The following SLC36A4 variants were observed in gnomAD, a reference collection of about 807,000 sequenced individuals.
SLC36A4 encodes the protein neutral amino acid uniporter 4.
In SLC36A4, 49 loss-of-function variants were observed where a neutral mutation model predicts 50.5. The observed-to-expected ratio is 0.97, with a 90% CI of 0.77 to 1.23. SLC36A4 has a LOEUF of 1.23. SLC36A4 is among the 50% of genes most tolerant of loss of function. SLC36A4 has a pLI of 0.00. For synonymous variants in SLC36A4, 207 were observed against 206.5 expected (o/e 1.00, Z -0.02); for missense variants, 611 against 608.4 (o/e 1.00, Z -0.05).
chr11:93,181,835 TG>T, intron 4 of SLC36A4, 49 bp from the exon 5 acceptor site: 1 of 1,452,880 alleles, frequency 6.9e-7, no homozygotes, highest in Non-Finnish European at 9.2e-7. Flanking sequence ...AATTTTAAGG[TG>T]GTCCATAAAA....
intron 10 of SLC36A4, among the ~76,000 whole-genome samples, chr11:93,151,884 T>C (rs1860103972): frequency 6.6e-6 from 1 of 152,012 alleles, no homozygotes; most frequent in Non-Finnish European, 1.5e-5. Flanking sequence ...ACAGGTTTAC[T>C]CTTAAAAGGT....
intron 6 of SLC36A4, among the ~76,000 whole-genome samples, chr11:93,177,282 A>G (rs1263172448): frequency 6.6e-6 from 1 of 152,070 alleles, no homozygotes; most frequent in Non-Finnish European, 1.5e-5. Context: ...TTCCCATGCC[A>G]TGGTTTTCAG....
chr11:93,162,609 A>G, intron 9 of SLC36A4, 97 bp downstream of exon 9: 8 of 1,073,994 alleles, frequency 7.4e-6, no homozygotes, highest in Non-Finnish European at 1.0e-5. Flanking sequence ...AAAATTTTAA[A>G]TGTTTAAACC....
Position 93,197,887 on chromosome 11 carries a change from G to A in SLC36A4, c.-55C>T, listed in dbSNP as rs1203032521. ...CGAGTGCTCACTCTCCCGCCGCTGC[G>A]TGGCCGGCGTCAGGCCCAGGCCTAC... On this transcript the variant is annotated 5_prime_UTR_variant, in exon 1 of 11. It adds an upstream start codon to the 5' untranslated region. Coordinates refer to ENST00000326402, the MANE Select transcript of SLC36A4 (RefSeq NM_152313.4). 28 of 1,492,876 alleles carry A rather than the reference G, an allele frequency of 1.9e-5. No individual in the cohort carries two copies. Among genetic ancestry groups the A allele is most frequent in the Admixed American group, 4.1e-5 (2 of 48,984 alleles). 92.5% of individuals were successfully genotyped at this position (1,492,876 alleles called of 1,614,324 possible).
intron 2 of SLC36A4, chr11:93,185,487 C>A: frequency 7.8e-6 from 3 of 384,888 alleles, no homozygotes; most frequent in Non-Finnish European, 9.2e-6. Flanking sequence ...GCATTTGTTA[C>A]GCATCATCAC....
intron 1 of SLC36A4, among the ~76,000 whole-genome samples, chr11:93,186,371 C>T (rs1012614493): frequency 2.6e-5 from 4 of 152,148 alleles, no homozygotes; most frequent in African/African-American, 9.7e-5. Flanking sequence ...AATCTACATT[C>T]CATATTCCAC....
At chr11:93,192,042 T>C (rs1479636988) in intron 1 of SLC36A4, among the ~76,000 whole-genome samples, 1 of 150,950 alleles carries the variant, frequency 6.6e-6, no homozygotes, top group Non-Finnish European at 1.5e-5. Context: ...TTACTAAAAC[T>C]CAAAAAAAAA....
At chr11:93,188,049 G>A (rs531212780) in intron 1 of SLC36A4, among the ~76,000 whole-genome samples, 7 of 152,110 alleles carry the variant, frequency 4.6e-5, no homozygotes, top group East Asian at 1.9e-4. Context: ...CCTGCTCCCC[G>A]CTCTTCTTTT....
chr11:93,154,167 T>A lies in SLC36A4; in HGVS notation c.1148A>T (p.His383Leu), dbSNP rs377056465. 4 of 1,567,846 alleles carry A rather than the reference T, an allele frequency of 2.6e-6. No individual in the cohort carries two copies. Among genetic ancestry groups the A allele is most frequent in the Non-Finnish European group, 3.4e-6 (4 of 1,160,402 alleles). ...TTCACAGATTTGCTTCCATTTAGTA[T>A]GAAATTTGGATGTGATCCCAGGGAT... The part of the protein sequence containing the change: ...IIIPGITSKF[H>L]TKWKQICEFG... The change falls in exon 10 of 11, where the codon CAT (histidine) becomes CTT (leucine). Residue 383 changes from histidine to leucine, a missense_variant. Physicochemically the swap from His to Leu is moderately conservative, Grantham distance 99. Transcript: ENST00000326402.
At chr11:93,168,373 G>A (rs1437266977) in intron 6 of SLC36A4, among the ~76,000 whole-genome samples, 2 of 151,922 alleles carry the variant, frequency 1.3e-5, no homozygotes, top group East Asian at 1.9e-4. Context: ...GATAACTGAC[G>A]TAAGATAATC....
chr11:93,196,529 G>C (rs1862434472), intron 1 of SLC36A4, among the ~76,000 whole-genome samples: 1 of 152,160 alleles, frequency 6.6e-6, no homozygotes, highest in African/African-American at 2.4e-5. Flanking sequence ...ACCACGCCCG[G>C]CTAATTTTTT....
rs1162702667 is a variant in SLC36A4 at position 93,181,711 on chromosome 11, C to T, written c.435G>A (p.Gln145=). 6.5e-7 allele frequency: 1 copy of T among 1,538,410 alleles called. No homozygotes were observed. Among genetic ancestry groups the T allele is most frequent in the Non-Finnish European group, 8.8e-7 (1 of 1,137,200 alleles). ...AMEVSPWSCL[Q]KQAAWGRSVV... ...CTTACCGCCCCCATGCTGCTTGCTT[C>T]TGAAGACAACTCCAAGGACTCACTT... The change falls in exon 5 of 11, where the codon CAG becomes CAA. Residue 145 remains glutamine (Q), a synonymous_variant. Coordinates refer to ENST00000326402, the MANE Select transcript of SLC36A4 (RefSeq NM_152313.4).
intron 1 of SLC36A4, among the ~76,000 whole-genome samples, chr11:93,186,135 A>T (rs1430881111): frequency 6.6e-6 from 1 of 152,226 alleles, no homozygotes; most frequent in Non-Finnish European, 1.5e-5. Flanking sequence ...AGAAATGATC[A>T]AATATATTTT....
At chr11:93,180,068 T>G in intron 6 of SLC36A4, 1 of 942,490 alleles carries the variant, frequency 1.1e-6, no homozygotes, top group Non-Finnish European at 1.3e-6. Flanking sequence ...CAATCCTATA[T>G]ATTACTATGT....
Position 93,162,770 on chromosome 11 carries a change from C to T in SLC36A4, c.973G>A (p.Gly325Arg). Residue 325 changes from glycine (G) to arginine (R), a missense_variant, in exon 9 of 11, where the codon GGA (glycine) becomes AGA (arginine). Physicochemically the swap from Gly to Arg is moderately radical, Grantham distance 125. Transcript: ENST00000326402. ...ATTTCATCATGGAAACACATATATC[C>T]TAAAGTAGCTAATGTTACATACAAA... is the stretch of plus-strand genomic sequence containing the variant. ...TTLYVTLATL[G>R]YMCFHDEIKG... 6.2e-7 allele frequency: 1 copy of T among 1,613,518 alleles called. No individual in the cohort carries two copies. Among genetic ancestry groups the T allele is most frequent in the South Asian group, 1.1e-5 (1 of 91,060 alleles).
At chr11:93,178,167 C>T (rs976628128) in intron 6 of SLC36A4, among the ~76,000 whole-genome samples, 20 of 152,102 alleles carry the variant, frequency 1.3e-4, no homozygotes, top group African/African-American at 4.8e-4. Context: ...TAGCAGTGAG[C>T]GAGGCTTTGT....
Position 93,165,965 on chromosome 11 carries a change from G to T in SLC36A4, c.820C>A (p.Pro274Thr). 3 of 1,611,018 alleles carry T rather than the reference G, an allele frequency of 1.9e-6. No homozygotes were observed. Residue 274 changes from proline (P) to threonine (T), a missense_variant, in exon 8 of 11, where the codon CCA (proline) becomes ACA (threonine). Physicochemically the swap from Pro to Thr is conservative, Grantham distance 38. Transcript: ENST00000326402. ...LPIVAGWKKY[P>T]LFFGTAVFAF... is the part of the protein sequence containing the mutation. Reference sequence around the variant, plus strand: ...AATACAGCAGTACCAAAAAAGAGTGGGTATTTCTTCCAACCAGCCACTATT... The same window carrying T: ...AATACAGCAGTACCAAAAAAGAGTGTGTATTTCTTCCAACCAGCCACTATT...
In SLC36A4 at chr11:93,163,330, T is replaced by C. The variant is rs557965013; in HGVS notation, c.868-455A>G. On this transcript the variant is annotated intron_variant, in intron 8 of 10. Transcript: ENST00000326402. The stretch of plus-strand genomic sequence containing the variant: ...AGTTTTTCCATTAATATCCTTTTTC[T>C]GTCCCAGAGCTCCATCCAGGATACC... 7.2e-5 allele frequency among the ~76,000 whole-genome samples: 11 copies of C among 152,344 alleles called. No homozygotes were observed. The South Asian group carries it at 2.3e-3, about 32-fold the overall frequency.
chr11:93,170,889 C>A (rs1040391895), intron 6 of SLC36A4, among the ~76,000 whole-genome samples: 2 of 152,004 alleles, frequency 1.3e-5, no homozygotes, highest in African/African-American at 4.8e-5. Context: ...CAACTAAACC[C>A]TTAATTTTGG....
Sources: allele counts gnomAD v4.1 joint callset (sites outside exome capture counted in the v4.1 genomes callset), GRCh38; gene constraint gnomAD v4.1.1; transcripts MANE v1.5; gene names NCBI Gene and HGNC (gene_info 2026-07-23, HGNC 2026-07-21).